DPYD: variants seen among roughly 807,000 people sequenced by gnomAD.
DPYD encodes dihydropyrimidine dehydrogenase.
Under a neutral mutation model 116.2 loss-of-function variants are expected in DPYD, and 109 were observed. The ratio of observed to expected loss-of-function variants is 0.94; its 90% CI spans 0.80 to 1.10. DPYD has a LOEUF of 1.10. Ranked by LOEUF, DPYD falls within the 50% of genes least tolerant of loss-of-function variation. DPYD has a pLI of 0.00. For missense variants in DPYD, 1,302 were observed against 1,254.5 expected (o/e 1.04, Z -0.57); for synonymous variants, 440 against 432.0 (o/e 1.02, Z -0.23).
At chr1:97,535,393 C>T (rs760523815) in intron 12 of DPYD, among the ~76,000 whole-genome samples, 2 of 152,126 alleles carry the variant, frequency 1.3e-5, no homozygotes, top group Admixed American at 1.3e-4. Flanking sequence ...GCATGGGATG[C>T]ATAACACTTC....
At chr1:97,635,722 G>A (rs1245043363) in intron 8 of DPYD, among the ~76,000 whole-genome samples, 2 of 152,054 alleles carry the variant, frequency 1.3e-5, no homozygotes, top group African/African-American at 4.8e-5. Flanking sequence ...GAAAGATACT[G>A]ACATTCTCAT....
At chr1:97,768,051 C>A (rs1376547929) in intron 3 of DPYD, among the ~76,000 whole-genome samples, 1 of 152,022 alleles carries the variant, frequency 6.6e-6, no homozygotes, top group African/African-American at 2.4e-5. Flanking sequence ...GTTTACAATG[C>A]TCAAGTAAAG....
In DPYD at chr1:97,851,249, C is replaced by CATATATATATAT. The variant is rs60887494; in HGVS notation, c.151-23065_151-23054dup. Among the ~76,000 whole-genome samples the CATATATATATAT allele has an allele frequency of 2.8e-3, 406 of 146,952 alleles. 1 individual carries two copies. The highest frequency in any genetic ancestry group is 9.0e-3 in the African/African-American group (364 of 40,384). On this transcript the variant is annotated intron_variant, in intron 2 of 22. Transcript: ENST00000370192. Reference sequence around the variant, plus strand: ...ACATAAATTATCATTGTCTAATTACCATATATATATATATATATGTCACTT... The same window carrying CATATATATATAT: ...ACATAAATTATCATTGTCTAATTACCATATATATATATATATATATATATATATATGTCACTT...
chr1:97,338,590 G>A (rs1186738376), intron 16 of DPYD, among the ~76,000 whole-genome samples: 1 of 152,170 alleles, frequency 6.6e-6, no homozygotes, highest in Non-Finnish European at 1.5e-5. Context: ...TGGGAGGGTA[G>A]GGGTGATGCA....
chr1:97,757,721 A>C (rs1030350556), intron 3 of DPYD, among the ~76,000 whole-genome samples: 1 of 152,170 alleles, frequency 6.6e-6, no homozygotes, highest in African/African-American at 2.4e-5. Flanking sequence ...GCTATAATTC[A>C]GTATTAAATA....
chr1:97,191,426 T>C (rs916183205), intron 20 of DPYD, among the ~76,000 whole-genome samples: 22 of 152,150 alleles, frequency 1.4e-4, no homozygotes, highest in African/African-American at 5.3e-4. Flanking sequence ...ATCACTAATA[T>C]AATCACATAG....
At chr1:97,543,231 C>T (rs1474167774) in intron 12 of DPYD, among the ~76,000 whole-genome samples, 1 of 152,146 alleles carries the variant, frequency 6.6e-6, no homozygotes, top group Non-Finnish European at 1.5e-5. Flanking sequence ...GATCTGATGT[C>T]TTCTCTGTAG....
At chr1:97,243,270 A>T (rs1042588447) in intron 18 of DPYD, among the ~76,000 whole-genome samples, 1 of 152,000 alleles carries the variant, frequency 6.6e-6, no homozygotes, top group African/African-American at 2.4e-5. Context: ...TTAGAAAAGA[A>T]GCAAGTATGA....
chr1:97,272,407 T>A (rs907505674), intron 18 of DPYD, among the ~76,000 whole-genome samples: 6 of 152,134 alleles, frequency 3.9e-5, no homozygotes, highest in Non-Finnish European at 8.8e-5. Context: ...CCGTCTGAAT[T>A]GTCCTGACAA....
At chr1:97,781,327 A>G (rs1666730287) in intron 3 of DPYD, among the ~76,000 whole-genome samples, 1 of 152,242 alleles carries the variant, frequency 6.6e-6, no homozygotes, top group African/African-American at 2.4e-5. Context: ...TGATAAAATT[A>G]GACATATGTA....
At chr1:97,167,234 A>G (rs1656391068) in intron 20 of DPYD, among the ~76,000 whole-genome samples, 1 of 152,114 alleles carries the variant, frequency 6.6e-6, no homozygotes, top group Non-Finnish European at 1.5e-5. Flanking sequence ...AGAGCACAAT[A>G]TATACTTCCA....
intron 3 of DPYD, among the ~76,000 whole-genome samples, chr1:97,759,668 A>G (rs1240556275): frequency 1.3e-5 from 2 of 152,178 alleles, no homozygotes; most frequent in Non-Finnish European, 2.9e-5. Context: ...ATTACATTGT[A>G]TTGCCACCTT....
intron 18 of DPYD, among the ~76,000 whole-genome samples, chr1:97,267,729 T>G (rs1664327027): frequency 6.6e-6 from 1 of 152,148 alleles, no homozygotes; most frequent in East Asian, 1.9e-4. Flanking sequence ...CACCTCTTAT[T>G]GCTGTTGCAT....
intron 14 of DPYD, among the ~76,000 whole-genome samples, chr1:97,429,813 A>G (rs970497887): frequency 7.9e-5 from 12 of 152,082 alleles, no homozygotes; most frequent in African/African-American, 2.7e-4. Flanking sequence ...TGCATCTGAA[A>G]TTTAATGCTA....
chr1:97,336,592 T>C (rs1472037332), intron 16 of DPYD, among the ~76,000 whole-genome samples: 1 of 151,988 alleles, frequency 6.6e-6, no homozygotes, highest in Non-Finnish European at 1.5e-5. Context: ...CTACTAAAAA[T>C]ACAAAAAATT....
At chr1:97,891,258 C>T (rs1308288233) in intron 1 of DPYD, among the ~76,000 whole-genome samples, 1 of 151,880 alleles carries the variant, frequency 6.6e-6, no homozygotes, top group Non-Finnish European at 1.5e-5. Flanking sequence ...ACAGAGTCCC[C>T]TCTCTGGATG....
At chr1:97,556,592 G>A (rs1404357422) in intron 11 of DPYD, among the ~76,000 whole-genome samples, 5 of 147,004 alleles carry the variant, frequency 3.4e-5, no homozygotes, top group Non-Finnish European at 7.5e-5. Flanking sequence ...ACCTATGAGT[G>A]AGAATATGTG....
At chr1:97,767,422 T>C (rs1293938529) in intron 3 of DPYD, among the ~76,000 whole-genome samples, 2 of 152,138 alleles carry the variant, frequency 1.3e-5, no homozygotes, top group African/African-American at 4.8e-5. Flanking sequence ...CAAACTGCTT[T>C]GACCAAGAGA....
Position 97,856,618 on chromosome 1 carries a change from G to A in DPYD, c.150+26646C>T, listed in dbSNP as rs1486367227. The A allele has an allele frequency of 2.6e-5, 4 of 152,290 alleles. No homozygotes were observed. The South Asian group carries it at 6.2e-4, about 24-fold the overall frequency. 9.4% of individuals were successfully genotyped at this position (152,290 alleles called of 1,614,324 possible). On this transcript the variant is annotated intron_variant, in intron 2 of 22. Coordinates refer to ENST00000370192, the MANE Select transcript of DPYD (RefSeq NM_000110.4). ...GATATTCCAAGTGAAACATTTAGCA[G>A]AGACTTCTGAGGACCACCAGGGCAC...
Sources: gnomAD v4.1 joint callset for allele counts (sites outside exome capture counted in the v4.1 genomes callset) on GRCh38, gnomAD v4.1.1 for gene constraint, MANE v1.5 for transcripts, NCBI Gene and HGNC (gene_info 2026-07-23, HGNC 2026-07-21) for gene names.